Variants in AMDHD2 observed in about 807,000 individuals in gnomAD.
AMDHD2 encodes the protein N-acetylglucosamine-6-phosphate deacetylase.
In AMDHD2, 24 loss-of-function variants were observed where a neutral mutation model predicts 41.8. The observed-to-expected ratio is 0.57, with a 90% CI of 0.42 to 0.81. The LOEUF (loss-of-function observed/expected upper bound fraction) is 0.81. Among genes scored for constraint, AMDHD2 ranks in the 30% least tolerant of loss-of-function variants. The pLI is 0.00. For synonymous variants in AMDHD2, 332 were observed against 255.5 expected (o/e 1.30, Z -2.85); for missense variants, 540 against 588.5 (o/e 0.92, Z 0.85).
chr16:2,520,735 C>T (rs1465349426), intron 1 of AMDHD2, 34 bp from the exon 2 acceptor site: 1 of 1,512,354 alleles, frequency 6.6e-7, no homozygotes, highest in South Asian at 1.2e-5. Context: ...GAGGTCAGGC[C>T]CGCGATGCGA....
At position 2,520,974 on chromosome 16, in the gene AMDHD2, G is replaced by C; in HGVS notation, c.221-10G>C. On this transcript the variant is annotated splice_polypyrimidine_tract_variant and intron_variant, in intron 2 of 10. Transcript: ENST00000293971. ...AGCTCCATGCGACACTTCCTTTTCT[G>C]TGGCTGCAGGTGGATTTGGTGTTGA... is the stretch of plus-strand genomic sequence containing the variant. 2 of 1,597,336 alleles carry C rather than the reference G, an allele frequency of 1.3e-6. No individual in the cohort carries two copies. The highest frequency in any genetic ancestry group is 3.3e-4 in the Middle Eastern group (2 of 6,024).
chr16:2,520,385 C>T lies in AMDHD2; in HGVS notation c.-74C>T, dbSNP rs1167090828. 7.7e-6 allele frequency: 9 copies of T among 1,166,656 alleles called. No individual in the cohort carries two copies. The highest frequency in any genetic ancestry group is 8.6e-6 in the Non-Finnish European group (8 of 932,316). 72.3% of individuals were successfully genotyped at this position (1,166,656 alleles called of 1,614,324 possible). ...ACGTGGGCGCGGTCTCAGCTCTCGG[C>T]TGGGGTTCGTCACTGGGCGCGGGAT... On this transcript the variant is annotated 5_prime_UTR_variant, in exon 1 of 11. Transcript: ENST00000293971.
intron 10 of AMDHD2, 96 bp downstream of exon 10, chr16:2,529,191 C>A: frequency 8.2e-7 from 1 of 1,218,188 alleles, no homozygotes; most frequent in Non-Finnish European, 1.1e-6. Flanking sequence ...AGGGTGGGTC[C>A]TCCCTAGCTC....
At chr16:2,523,735 G>C (rs2065970083) in intron 3 of AMDHD2, among the ~76,000 whole-genome samples, 1 of 152,158 alleles carries the variant, frequency 6.6e-6, no homozygotes, top group South Asian at 2.1e-4. Context: ...CCAAGATTCA[G>C]GATTCAGCAC....
intron 3 of AMDHD2, among the ~76,000 whole-genome samples, chr16:2,524,722 C>A (rs1300582925): frequency 1.3e-5 from 2 of 152,142 alleles, no homozygotes; most frequent in East Asian, 3.9e-4. Flanking sequence ...GAATTTGCGC[C>A]CGTAGCTCTA....
At chr16:2,521,781 GTT>G (rs57701626) in intron 3 of AMDHD2, among the ~76,000 whole-genome samples, 1,119 of 111,512 alleles carry the variant, frequency 0.01, 8 homozygotes, top group African/African-American at 0.04. Flanking sequence ...TTTTTGTTTA[GTT>G]TTTTTTTTTT....
At chr16:2,522,086 T>C (rs962418397) in intron 3 of AMDHD2, among the ~76,000 whole-genome samples, 3 of 151,532 alleles carry the variant, frequency 2.0e-5, no homozygotes, top group African/African-American at 7.3e-5. Flanking sequence ...GCCCGGCCAG[T>C]TTTTGTTATT....
Position 2,520,429 on chromosome 16 carries a change from C to G in AMDHD2, c.-30C>G. The G allele has an allele frequency of 3.3e-6, 4 of 1,225,726 alleles. No individual in the cohort carries two copies. The highest frequency in any genetic ancestry group is 4.1e-6 in the Non-Finnish European group (4 of 979,426). The allele number at this position is 1,225,726 out of a possible 1,614,324, so 75.9% of individuals were successfully genotyped here. On this transcript the variant is annotated 5_prime_UTR_variant, in exon 1 of 11. Transcript: ENST00000293971. The stretch of plus-strand genomic sequence containing the variant: ...GCGGGATTTGGCCGCCGCGGGGCTC[C>G]GGAGCCGCTCGCTCCCGACACGGCT...
In AMDHD2 at chr16:2,527,166, A is replaced by G. The variant is rs2066014443; in HGVS notation, c.361-395A>G. ...ACACTCGGTCTTCCTGATGGCGTCCAGCTCCGGCCATGGTGTGGACCACAC... is the reference window on the plus strand; with the variant it reads ...ACACTCGGTCTTCCTGATGGCGTCCGGCTCCGGCCATGGTGTGGACCACAC... On this transcript the variant is annotated intron_variant, in intron 3 of 10. Coordinates refer to ENST00000293971, the MANE Select transcript of AMDHD2 (RefSeq NM_001330449.2). This position sits in a 1 kb window ranked among gnomAD's most constrained non-coding sequence, Gnocchi z 6.1. 3.9e-6 allele frequency: 1 copy of G among 254,198 alleles called. No homozygotes were observed. The highest frequency in any genetic ancestry group is 2.3e-5 in the African/African-American group (1 of 43,586). The allele number at this position is 254,198 out of a possible 1,614,324, so 15.7% of individuals were successfully genotyped here.
In AMDHD2 at chr16:2,527,960, G is replaced by A. The variant is rs777835603; in HGVS notation, c.603G>A (p.Thr201=). 1.0e-5 allele frequency: 16 copies of A among 1,602,816 alleles called. No individual in the cohort carries two copies. Among genetic ancestry groups the A allele is most frequent in the Middle Eastern group, 1.6e-4 (1 of 6,078 alleles). Residue 201 remains threonine (T), a synonymous_variant, in exon 5 of 11, where the codon ACG becomes ACA. Coordinates refer to ENST00000293971, the MANE Select transcript of AMDHD2 (RefSeq NM_001330449.2). The surrounding 1 kb of genome is among the most constrained non-coding windows in gnomAD (Gnocchi z 6.1). ...GRSHEVIRAL[T]ARGICVSLGH... is the part of the protein sequence containing the mutation. ...GCCACGAAGTGATCCGGGCGCTGAC[G>A]GCCCGTGGCATCTGCGTGTCCCTAG...
At chr16:2,525,490 C>T (rs2065992156) in intron 3 of AMDHD2, among the ~76,000 whole-genome samples, 1 of 152,072 alleles carries the variant, frequency 6.6e-6, no homozygotes. Flanking sequence ...CCTCAGCCTC[C>T]TGAGTAGCTG....
intron 3 of AMDHD2, among the ~76,000 whole-genome samples, chr16:2,521,476 A>G (rs1284908910): frequency 2.6e-5 from 4 of 152,074 alleles, no homozygotes; most frequent in Non-Finnish European, 4.4e-5. Context: ...TGGCACAGCG[A>G]TAGTCCCTGG....
Position 2,527,658 on chromosome 16 carries a change from C to T in AMDHD2, c.415+43C>T, listed in dbSNP as rs775223836. ...TCCCCGCCCCCACCCTGGGAGGCTC[C>T]TGCGGGACCTGTTGGCAGCCCCCAC... On this transcript the variant is annotated intron_variant, in intron 4 of 10. Transcript: ENST00000293971. The surrounding 1 kb of genome is among the most constrained non-coding windows in gnomAD (Gnocchi z 6.1). The T allele has an allele frequency of 1.3e-6, 2 of 1,588,868 alleles. No homozygotes were observed. Among genetic ancestry groups the T allele is most frequent in the South Asian group, 2.3e-5 (2 of 88,098 alleles).
intron 10 of AMDHD2, 142 bp downstream of exon 10, chr16:2,529,237 G>A (rs896321952): frequency 6.5e-6 from 7 of 1,072,390 alleles, no homozygotes; most frequent in South Asian, 4.9e-5. Context: ...GCCAGCCTCA[G>A]TTGTAGCCCC....
In AMDHD2 at chr16:2,529,482, G is replaced by T; in HGVS notation, c.1149G>T (p.Val383=). 6.2e-7 allele frequency: 1 copy of T among 1,610,740 alleles called. No individual in the cohort carries two copies. The highest frequency in any genetic ancestry group is 8.5e-7 in the Non-Finnish European group (1 of 1,179,960). Residue 383 remains valine (V), a synonymous_variant, in exon 11 of 11, where the codon GTG becomes GTT. Coordinates refer to ENST00000293971, the MANE Select transcript of AMDHD2 (RefSeq NM_001330449.2). ...TLDFGADADF[V]VLDDSLHVQA... The stretch of plus-strand genomic sequence containing the variant: ...TGCCCGGCTCTGTCCCAGACTTCGT[G>T]GTGCTCGACGACTCCCTTCACGTCC...
Position 2,528,107 on chromosome 16 carries a change from G to A in AMDHD2, c.676G>A (p.Gly226Arg), listed in dbSNP as rs753627090. 7 of 1,612,936 alleles carry A rather than the reference G, an allele frequency of 4.3e-6. No homozygotes were observed. Among genetic ancestry groups the A allele is most frequent in the Admixed American group, 1.7e-5 (1 of 59,992 alleles). Residue 226 changes from glycine to arginine, a missense_variant, in exon 6 of 11, where the codon GGA (glycine) becomes AGA (arginine). Coordinates refer to ENST00000293971, the MANE Select transcript of AMDHD2 (RefSeq NM_001330449.2). ...GGCGGCAGAGGATGCTGTGTGGAGC[G>A]GAGCCACCTTCATCACCCACCTCTT... ...LRAAEDAVWS[G>R]ATFITHLFNA...
rs2065917428 is a variant in AMDHD2 at position 2,520,495 on chromosome 16, C to T, written c.37C>T (p.Leu13Phe). 5.7e-6 allele frequency: 7 copies of T among 1,232,070 alleles called. No homozygotes were observed. Among genetic ancestry groups the T allele is most frequent in the South Asian group, 4.1e-5 (1 of 24,506 alleles). 76.3% of individuals were successfully genotyped at this position (1,232,070 alleles called of 1,614,324 possible). ...GEQGAAGARV[L>F]QFTNCRILRG... ...GCAGGGCGCGGCGGGGGCCCGCGTG[C>T]TCCAGTTCACTAACTGCCGGATCCT... is the stretch of plus-strand genomic sequence containing the variant. Residue 13 changes from leucine to phenylalanine, a missense_variant, in exon 1 of 11, where the codon CTC becomes TTC. By Grantham distance (22) the Leu-to-Phe change is conservative (BLOSUM62 0). Coordinates refer to ENST00000293971, the MANE Select transcript of AMDHD2 (RefSeq NM_001330449.2).
At chr16:2,521,294 A>T (rs558371669) in intron 3 of AMDHD2, among the ~76,000 whole-genome samples, 171 bp downstream of exon 3, 2 of 146,452 alleles carry the variant, frequency 1.4e-5, no homozygotes, top group South Asian at 4.2e-4. Flanking sequence ...CTTCTTTATC[A>T]GTTGTCGCTC....
intron 3 of AMDHD2, among the ~76,000 whole-genome samples, chr16:2,524,271 C>T (rs2065976107): frequency 6.6e-6 from 1 of 152,220 alleles, no homozygotes. Context: ...TCCATTAAGA[C>T]CACCTTCTCT....
Sources: allele counts gnomAD v4.1 joint callset (sites outside exome capture counted in the v4.1 genomes callset), GRCh38; gene constraint gnomAD v4.1.1; non-coding constraint Gnocchi (gnomAD v3.1); transcripts MANE v1.5; gene names NCBI Gene and HGNC (gene_info 2026-07-23, HGNC 2026-07-21).